The following YPEL4 variants were observed in gnomAD, a reference collection of about 807,000 sequenced individuals.
YPEL4 encodes the protein protein yippee-like 4.
Under a neutral mutation model 16.3 loss-of-function variants are expected in YPEL4, and 5 were observed. The observed-to-expected ratio is 0.31, with a 90% confidence interval of 0.16 to 0.64. YPEL4 has a LOEUF of 0.64. Ranked by LOEUF, YPEL4 falls within the 30% of genes least tolerant of loss-of-function variation. The probability of loss-of-function intolerance (pLI) is 0.79; values close to 1 mark genes in which losing one functional copy is unlikely to be tolerated. For synonymous variants in YPEL4, 61 were observed against 60.7 expected (o/e 1.00, Z -0.02); for missense variants, 127 against 170.0 (o/e 0.75, Z 1.41).
At chr11:57,648,269 C>T (rs1314495626) in intron 1 of YPEL4, 1 of 152,260 alleles carries the variant, frequency 6.6e-6, no homozygotes, top group Non-Finnish European at 1.5e-5. Context: ...TCTACCTTCT[C>T]CCAGGGGCAG....
chr11:57,645,548 C>A lies in YPEL4; in HGVS notation c.*433G>T, dbSNP rs1945720782. 6.0e-6 allele frequency: 1 copy of A among 165,478 alleles called. No homozygotes were observed. Among genetic ancestry groups the A allele is most frequent in the African/African-American group, 2.4e-5 (1 of 41,658 alleles). The allele number at this position is 165,478 out of a possible 1,614,324, so 10.3% of individuals were successfully genotyped here. A position where few individuals can be genotyped will look rare whatever the true frequency, so the allele number is the denominator to read the frequency against. ...TCTGAGACCAGAATTTCACTCCAAC[C>A]CAAGTCTTTTCTCATCTGCTGTTCT... is the stretch of plus-strand genomic sequence containing the variant. On this transcript the variant is annotated 3_prime_UTR_variant, in exon 5 of 5. Coordinates refer to ENST00000300022, the MANE Select transcript of YPEL4 (RefSeq NM_145008.3).
chr11:57,647,337 G>A lies in YPEL4; in HGVS notation c.-184-46C>T. ...ATCAGGGGAGCTGCGACCTCAGGAG[G>A]ACCCCTCCTGAGGGAATGGAGGAAA... On this transcript the variant is annotated intron_variant, in intron 1 of 4. Coordinates refer to ENST00000300022, the MANE Select transcript of YPEL4 (RefSeq NM_145008.3). The surrounding 1 kb of genome is among the most constrained non-coding windows in gnomAD (Gnocchi z 4.2). 2 of 495,698 alleles carry A rather than the reference G, an allele frequency of 4.0e-6. No homozygotes were observed. Among genetic ancestry groups the A allele is most frequent in the Non-Finnish European group, 6.9e-6 (2 of 289,692 alleles). The allele number at this position is 495,698 out of a possible 1,614,324, so 30.7% of individuals were successfully genotyped here. A position where few individuals can be genotyped will look rare whatever the true frequency, so the allele number is the denominator to read the frequency against.
At position 57,645,993 on chromosome 11, in the gene YPEL4, G is replaced by A. The variant is rs777099181; in HGVS notation, c.372C>T (p.Asn124=). The change falls in exon 5 of 5, where the codon AAC becomes AAT. Residue 124 remains asparagine, a synonymous_variant. Coordinates refer to ENST00000300022, the MANE Select transcript of YPEL4 (RefSeq NM_145008.3). The part of the protein sequence containing the change: ...IIEMSHMVKD[N]GWD ...CTGCCTGAGCCCCTCAGTCCCAGCC[G>A]TTGTCCTTCACCATGTGTGACATTT... The A allele has an allele frequency of 3.9e-5, 63 of 1,613,980 alleles. No homozygotes were observed. The highest frequency in any genetic ancestry group is 2.3e-4 in the South Asian group (21 of 91,090).
At chr11:57,646,162 A>C in intron 4 of YPEL4, 92 bp from the exon 5 acceptor site, 6 of 1,563,792 alleles carry the variant, frequency 3.8e-6, no homozygotes, top group Non-Finnish European at 5.3e-6. Flanking sequence ...AGGGTCATCC[A>C]CCTAGCCCAA....
rs892440103 is a variant in YPEL4 at position 57,645,649 on chromosome 11, A to C, written c.*332T>G. ...TCAAAAAGAGGTGGAGCAAAAACGG[A>C]TTCCTCCCACAATCCTCTCTGCCTG... On this transcript the variant is annotated 3_prime_UTR_variant, in exon 5 of 5. Transcript: ENST00000300022. 19 of 296,530 alleles carry C rather than the reference A, an allele frequency of 6.4e-5. No individual in the cohort carries two copies. Among genetic ancestry groups the C allele is most frequent in the African/African-American group, 3.2e-4 (15 of 46,842 alleles). 18.4% of individuals were successfully genotyped at this position (296,530 alleles called of 1,614,324 possible). A position where few individuals can be genotyped will look rare whatever the true frequency, so the allele number is the denominator to read the frequency against.
rs1402393944 is a variant in YPEL4 at position 57,647,406 on chromosome 11, G to A, written c.-184-115C>T. On this transcript the variant is annotated intron_variant, in intron 1 of 4. Transcript: ENST00000300022. This position sits in a 1 kb window ranked among gnomAD's most constrained non-coding sequence, Gnocchi z 4.2. The stretch of plus-strand genomic sequence containing the variant: ...TACCTCTACTTTCCCCATCACCATC[G>A]ACCCCCCCACAGCATCCAGTTGCAT... 7.1e-6 allele frequency: 2 copies of A among 280,470 alleles called. No individual in the cohort carries two copies. The highest frequency in any genetic ancestry group is 1.3e-4 in the East Asian group (2 of 15,272). The allele number at this position is 280,470 out of a possible 1,614,324, so 17.4% of individuals were successfully genotyped here.
rs7947357 is a variant in YPEL4 at position 57,646,914 on chromosome 11, A to C, written c.141+53T>G. ...GCTGCCTCACCCCTGGGTGATGTTC[A>C]GGCTAGCCTGGTGCGCGAGAGGAGG... On this transcript the variant is annotated intron_variant, in intron 2 of 4. Coordinates refer to ENST00000300022, the MANE Select transcript of YPEL4 (RefSeq NM_145008.3). The C allele has an allele frequency of 1.0e-5, 16 of 1,575,730 alleles. No individual in the cohort carries two copies. In the East Asian group the frequency reaches 3.2e-4, roughly 32 times the overall value.
Position 57,646,325 on chromosome 11 carries a change from C to T in YPEL4, c.266G>A (p.Ser89Asn), listed in dbSNP as rs112381337. The stretch of plus-strand genomic sequence containing the variant: ...TTTCCAGCCCAGTGTGGTTTTGCAG[C>T]TCTCACAGAAAATGTCAGCTACCGA... ...LHSVADIFCESCKTTLGWKYE... is the reference protein window; with the variant it reads ...LHSVADIFCENCKTTLGWKYE... The change falls in exon 4 of 5, where the codon AGC becomes AAC. Residue 89 changes from serine to asparagine, a missense_variant. Coordinates refer to ENST00000300022, the MANE Select transcript of YPEL4 (RefSeq NM_145008.3). 60 of 1,614,170 alleles carry T rather than the reference C, an allele frequency of 3.7e-5. 1 individual carries two copies. In the African/African-American group the frequency reaches 4.4e-4, roughly 12 times the overall value.
Position 57,645,804 on chromosome 11 carries a change from C to G in YPEL4, c.*177G>C. 3.2e-6 allele frequency: 2 copies of G among 632,082 alleles called. No homozygotes were observed. The highest frequency in any genetic ancestry group is 5.8e-5 in the Admixed American group (2 of 34,224). 39.2% of individuals were successfully genotyped at this position (632,082 alleles called of 1,614,324 possible). A position where few individuals can be genotyped will look rare whatever the true frequency, so the allele number is the denominator to read the frequency against. ...CTGAGCCTTAACACCCCTGGGGTACCCCCAGACCCCTGTTCTAAAGGGTGC... is the reference window on the plus strand; with the variant it reads ...CTGAGCCTTAACACCCCTGGGGTACGCCCAGACCCCTGTTCTAAAGGGTGC... On this transcript the variant is annotated 3_prime_UTR_variant, in exon 5 of 5. Coordinates refer to ENST00000300022, the MANE Select transcript of YPEL4 (RefSeq NM_145008.3).
Position 57,647,155 on chromosome 11 carries a change from T to G in YPEL4, c.-48A>C. On this transcript the variant is annotated 5_prime_UTR_variant, in exon 2 of 5. Coordinates refer to ENST00000300022, the MANE Select transcript of YPEL4 (RefSeq NM_145008.3). The surrounding 1 kb of genome is among the most constrained non-coding windows in gnomAD (Gnocchi z 4.2). The stretch of plus-strand genomic sequence containing the variant: ...TGGTGGGCTGGAGGGGCTGGCGCCG[T>G]GCAGCCCCCGCAGAGACGGTCGCAG... The G allele has an allele frequency of 6.6e-7, 1 of 1,506,458 alleles. No homozygotes were observed. The highest frequency in any genetic ancestry group is 8.8e-7 in the Non-Finnish European group (1 of 1,130,372). The allele number at this position is 1,506,458 out of a possible 1,614,324, so 93.3% of individuals were successfully genotyped here.
In YPEL4 at chr11:57,647,052, C is replaced by T. The variant is rs746309170; in HGVS notation, c.56G>A (p.Arg19His). Residue 19 changes from arginine to histidine, a missense_variant, in exon 2 of 5, where the codon CGC becomes CAC. Physicochemically the swap from Arg to His is conservative, Grantham distance 29. Coordinates refer to ENST00000300022, the MANE Select transcript of YPEL4 (RefSeq NM_145008.3). The surrounding 1 kb of genome is among the most constrained non-coding windows in gnomAD (Gnocchi z 4.2). ...GCGGTGACAGCGGGGCAGATAGCTGCGGAAAGTCTTGGTGGGGAGGCAGGC... is the reference window on the plus strand; with the variant it reads ...GCGGTGACAGCGGGGCAGATAGCTGTGGAAAGTCTTGGTGGGGAGGCAGGC... ...GPACLPTKTF[R>H]SYLPRCHRTY... is the part of the protein sequence containing the mutation. 2.3e-5 allele frequency: 37 copies of T among 1,597,248 alleles called. No homozygotes were observed. The highest frequency in any genetic ancestry group is 4.5e-5 in the South Asian group (4 of 88,450).
Position 57,646,746 on chromosome 11 carries a change from C to G in YPEL4, c.185+5G>C, listed in dbSNP as rs1352453184. On this transcript the variant is annotated splice_donor_5th_base_variant and intron_variant, in intron 3 of 4. Transcript: ENST00000300022. ...GCACACGCACAAGGAAAGAGGTAGA[C>G]TCACACGGAGTTAAACAGGTAGGCT... The G allele has an allele frequency of 6.2e-7, 1 of 1,613,860 alleles. No homozygotes were observed. The highest frequency in any genetic ancestry group is 1.3e-5 in the African/African-American group (1 of 75,060).
intron 1 of YPEL4, 149 bp downstream of exon 1, chr11:57,649,534 CGA>C: frequency 6.6e-6 from 1 of 151,640 alleles, no homozygotes; most frequent in Non-Finnish European, 1.5e-5. Context: ...ATGGAGGAAC[CGA>C]GAGAGAGGAG....
Position 57,647,405 on chromosome 11 carries a change from C to T in YPEL4, c.-184-114G>A, listed in dbSNP as rs756492441. On this transcript the variant is annotated intron_variant, in intron 1 of 4. Transcript: ENST00000300022. The surrounding 1 kb of genome is among the most constrained non-coding windows in gnomAD (Gnocchi z 4.2). ...ATACCTCTACTTTCCCCATCACCAT[C>T]GACCCCCCCACAGCATCCAGTTGCA... is the stretch of plus-strand genomic sequence containing the variant. 2 of 279,282 alleles carry T rather than the reference C, an allele frequency of 7.2e-6. No individual in the cohort carries two copies. Among genetic ancestry groups the T allele is most frequent in the Non-Finnish European group, 1.3e-5 (2 of 149,792 alleles). 17.3% of individuals were successfully genotyped at this position (279,282 alleles called of 1,614,324 possible). A position where few individuals can be genotyped will look rare whatever the true frequency, so the allele number is the denominator to read the frequency against.
rs1371358229 is a variant in YPEL4, at chr11:57,645,939, G to A, written c.*42C>T. On this transcript the variant is annotated 3_prime_UTR_variant, in exon 5 of 5. Transcript: ENST00000300022. ...AGACTGCTTGGCAGGGCCGTGGGGA[G>A]GGAGGGGCATGCGGAGGAAGGGCAC... is the stretch of plus-strand genomic sequence containing the variant. The A allele has an allele frequency of 1.3e-6, 2 of 1,598,334 alleles. No individual in the cohort carries two copies. The highest frequency in any genetic ancestry group is 1.7e-6 in the Non-Finnish European group (2 of 1,168,416).
chr11:57,646,148 C>A (rs1233771788), intron 4 of YPEL4, 78 bp from the exon 5 acceptor site: 1 of 1,576,006 alleles, frequency 6.3e-7, no homozygotes, highest in Middle Eastern at 1.7e-4. Flanking sequence ...TGGCCCCCAC[C>A]CCAAGGGTCA....
In YPEL4 at chr11:57,646,338, T is replaced by C. The variant is rs192248572; in HGVS notation, c.253A>G (p.Ile85Val). The change falls in exon 4 of 5, where the codon ATT becomes GTT. Residue 85 changes from isoleucine to valine, a missense_variant. Physicochemically the swap from Ile to Val is conservative, Grantham distance 29. Coordinates refer to ENST00000300022, the MANE Select transcript of YPEL4 (RefSeq NM_145008.3). Reference sequence around the variant, plus strand: ...GTGGTTTTGCAGCTCTCACAGAAAATGTCAGCTACCGAGTGGAGCCCCGTG... The same window carrying C: ...GTGGTTTTGCAGCTCTCACAGAAAACGTCAGCTACCGAGTGGAGCCCCGTG... ...LLTGLHSVAD[I>V]FCESCKTTLG... is the part of the protein sequence containing the mutation. 6.2e-7 allele frequency: 1 copy of C among 1,614,034 alleles called. No individual in the cohort carries two copies. The highest frequency in any genetic ancestry group is 1.3e-5 in the African/African-American group (1 of 74,988).
rs1026087414 is a variant in YPEL4 at position 57,647,254 on chromosome 11, G to A, written c.-147C>T. ...AGTGTTGGGGGGCTGCCCGGCCAGG[G>A]CCCCCCCAGACGAGAACCAGATAGA... On this transcript the variant is annotated 5_prime_UTR_variant, in exon 2 of 5. Coordinates refer to ENST00000300022, the MANE Select transcript of YPEL4 (RefSeq NM_145008.3). This position sits in a 1 kb window ranked among gnomAD's most constrained non-coding sequence, Gnocchi z 4.2. 2.7e-6 allele frequency: 3 copies of A among 1,126,428 alleles called. No homozygotes were observed. Among genetic ancestry groups the A allele is most frequent in the Admixed American group, 3.5e-5 (1 of 28,924 alleles). The allele number at this position is 1,126,428 out of a possible 1,614,324, so 69.8% of individuals were successfully genotyped here.
In YPEL4 at chr11:57,647,490, C is replaced by T. The variant is rs1945746679; in HGVS notation, c.-184-199G>A. The T allele has an allele frequency of 6.0e-6, 1 of 165,866 alleles. No homozygotes were observed. The highest frequency in any genetic ancestry group is 2.4e-5 in the African/African-American group (1 of 42,072). The allele number at this position is 165,866 out of a possible 1,614,324, so 10.3% of individuals were successfully genotyped here. The stretch of plus-strand genomic sequence containing the variant: ...TGGCAAACCTGGCAGCCGATCCAGG[C>T]TTCTGGCGCCAAAGCCAGGGAGTCG... On this transcript the variant is annotated intron_variant, in intron 1 of 4. Coordinates refer to ENST00000300022, the MANE Select transcript of YPEL4 (RefSeq NM_145008.3). The surrounding 1 kb of genome is among the most constrained non-coding windows in gnomAD (Gnocchi z 4.2).
Sources: gnomAD v4.1 joint callset for allele counts on GRCh38, gnomAD v4.1.1 for gene constraint, Gnocchi (gnomAD v3.1) non-coding constraint, MANE v1.5 for transcripts, NCBI Gene and HGNC (gene_info 2026-07-23, HGNC 2026-07-21) for gene names.